Variants in DTD1 observed in about 807,000 individuals in gnomAD.
The protein encoded by DTD1 is D-tyrosyl-tRNA deacylase 1 homolog.
DTD1 carries 13 observed loss-of-function variants against 25.6 expected under a neutral mutation model. The observed-to-expected ratio is 0.51, with a 90% CI of 0.33 to 0.81. DTD1 has a LOEUF of 0.81. DTD1 is among the 30% of genes least tolerant of loss of function. The pLI, the probability that DTD1 is intolerant of heterozygous loss-of-function variation, is 0.02. For synonymous variants in DTD1, 110 were observed against 103.6 expected, an observed-to-expected ratio of 1.06 and a Z score of -0.37; for missense variants, 193 against 266.4, an observed-to-expected ratio of 0.72 and a Z score of 1.92.
intron 4 of DTD1, chr20:18,698,611 G>A (rs1321961200): frequency 6.6e-6 from 1 of 152,176 alleles, no homozygotes; most frequent in Non-Finnish European, 1.5e-5. Context: ...GAAACACCTG[G>A]AAGTGAGGAG....
chr20:18,662,067 G>T (rs567778457), intron 4 of DTD1, among the ~76,000 whole-genome samples: 1 of 152,198 alleles, frequency 6.6e-6, no homozygotes, highest in East Asian at 1.9e-4. Context: ...TGGGAGGATC[G>T]CTTGAGGCCA....
intron 4 of DTD1, among the ~76,000 whole-genome samples, chr20:18,714,127 G>A (rs549474237): frequency 6.6e-6 from 1 of 152,344 alleles, no homozygotes; most frequent in South Asian, 2.1e-4. Flanking sequence ...CAAAGGAAAG[G>A]CAGGATGAGA....
At chr20:18,707,693 C>G (rs1014567817) in intron 4 of DTD1, among the ~76,000 whole-genome samples, 1 of 152,120 alleles carries the variant, frequency 6.6e-6, no homozygotes, top group Non-Finnish European at 1.5e-5. Flanking sequence ...AGGGCTGGTT[C>G]TTTTCTCTCT....
chr20:18,615,935 A>T (rs1047020343), intron 3 of DTD1, among the ~76,000 whole-genome samples: 6 of 152,212 alleles, frequency 3.9e-5, no homozygotes, highest in African/African-American at 1.4e-4. Context: ...TTTTGTGCTT[A>T]GTACTTGATT....
intron 5 of DTD1, 90 bp downstream of exon 5, chr20:18,744,361 C>A (rs2061291260): frequency 7.5e-7 from 1 of 1,335,330 alleles, no homozygotes. Flanking sequence ...TGAATTCATT[C>A]ATTTCACAGC....
intron 4 of DTD1, among the ~76,000 whole-genome samples, chr20:18,738,927 A>C (rs1029195711): frequency 6.6e-6 from 1 of 152,256 alleles, no homozygotes; most frequent in Non-Finnish European, 1.5e-5. Context: ...CCCCATCAAC[A>C]TTATGGTCCA....
intron 4 of DTD1, among the ~76,000 whole-genome samples, chr20:18,687,831 G>T (rs564719304): frequency 6.6e-6 from 1 of 152,252 alleles, no homozygotes; most frequent in African/African-American, 2.4e-5. Context: ...GCCAAAATAG[G>T]ATTTTGAAGG....
At chr20:18,760,114 G>C (rs1046841960) in intron 5 of DTD1, among the ~76,000 whole-genome samples, 2 of 152,070 alleles carry the variant, frequency 1.3e-5, no homozygotes, top group Non-Finnish European at 2.9e-5. Context: ...CTCTGCATTG[G>C]TTATTCTAGT....
At chr20:18,632,792 T>C in intron 4 of DTD1, 3 of 440,584 alleles carry the variant, frequency 6.8e-6, no homozygotes, top group Non-Finnish European at 9.0e-6. Flanking sequence ...TATGGATGTA[T>C]ATGTGTGCAT....
At chr20:18,737,300 C>T (rs1442926897) in intron 4 of DTD1, among the ~76,000 whole-genome samples, 1 of 152,160 alleles carries the variant, frequency 6.6e-6, no homozygotes, top group East Asian at 1.9e-4. Flanking sequence ...TGATGCCAGT[C>T]CCTGGAGTGC....
chr20:18,738,217 T>G (rs6075409), intron 4 of DTD1, among the ~76,000 whole-genome samples: 19,953 of 152,200 alleles, frequency 0.13, 1,622 homozygotes, highest in South Asian at 0.18. Context: ...CTGGGAAGAA[T>G]GCGGGGTTTG....
At chr20:18,761,883 G>A (rs961500582) in intron 5 of DTD1, among the ~76,000 whole-genome samples, 9 of 152,226 alleles carry the variant, frequency 5.9e-5, no homozygotes, top group African/African-American at 2.2e-4. Flanking sequence ...GCTAAAAACT[G>A]AAAGTAATAT....
chr20:18,673,898 C>G (rs2060959803), intron 4 of DTD1, among the ~76,000 whole-genome samples: 2 of 148,334 alleles, frequency 1.3e-5, no homozygotes, highest in African/African-American at 5.0e-5. Context: ...AAATAAAACC[C>G]TATGTTAGTT....
At chr20:18,621,894 C>G (rs1237579949) in intron 3 of DTD1, among the ~76,000 whole-genome samples, 1 of 152,098 alleles carries the variant, frequency 6.6e-6, no homozygotes, top group African/African-American at 2.4e-5. Context: ...GAAACCCTGT[C>G]TCTACTAAAA....
At chr20:18,693,323 A>G (rs1214737945) in intron 4 of DTD1, among the ~76,000 whole-genome samples, 2 of 152,210 alleles carry the variant, frequency 1.3e-5, no homozygotes, top group African/African-American at 4.8e-5. Context: ...TAGTCAGTGA[A>G]TAACATTGTT....
intron 4 of DTD1, among the ~76,000 whole-genome samples, chr20:18,693,309 A>G (rs1315250039): frequency 6.6e-6 from 1 of 152,182 alleles, no homozygotes; most frequent in East Asian, 1.9e-4. Context: ...AAATGAAGAG[A>G]AGTTAGTCAG....
At chr20:18,632,969 G>T (rs1180418877) in intron 4 of DTD1, among the ~76,000 whole-genome samples, 1 of 152,180 alleles carries the variant, frequency 6.6e-6, no homozygotes, top group African/African-American at 2.4e-5. Flanking sequence ...AGGAAGAGAA[G>T]GAACTGCTGC....
At chr20:18,606,024 C>G (rs1600312645) in intron 3 of DTD1, among the ~76,000 whole-genome samples, 3 of 144,258 alleles carry the variant, frequency 2.1e-5, no homozygotes, top group African/African-American at 7.7e-5. Flanking sequence ...TCGCAACCTA[C>G]TCATCTGACA....
In DTD1 at chr20:18,599,330, A is replaced by G. The variant is rs145001908; in HGVS notation, c.370+3089A>G. Among the ~76,000 whole-genome samples the G allele has an allele frequency of 2.4e-3, 369 of 152,084 alleles. 7 individuals carry two copies. The highest frequency in any genetic ancestry group is 0.02 in the Admixed American group (303 of 15,268). On this transcript the variant is annotated intron_variant, in intron 3 of 5. Transcript: ENST00000377452. Reference sequence around the variant, plus strand: ...GCTGGGATTACAGGTGCGTGCCACCACACCTGGCTAATTTTTGTATTTGTA... The same window carrying G: ...GCTGGGATTACAGGTGCGTGCCACCGCACCTGGCTAATTTTTGTATTTGTA...
Sources: gnomAD v4.1 joint callset for allele counts (sites outside exome capture counted in the v4.1 genomes callset) on GRCh38, gnomAD v4.1.1 for gene constraint, MANE v1.5 for transcripts, NCBI Gene and HGNC (gene_info 2026-07-23, HGNC 2026-07-21) for gene names.